NAGA: variants seen among roughly 807,000 people sequenced by gnomAD.
NAGA encodes the protein alpha-N-acetylgalactosaminidase, also known as Acetylgalactosaminidase, alpha-N- (alpha-galactosidase B).
In NAGA, 42 loss-of-function variants were observed where a neutral mutation model predicts 45.6. That is an observed-to-expected ratio of 0.92 (90% CI 0.72 to 1.19). The LOEUF (loss-of-function observed/expected upper bound fraction) is 1.19, where lower values mean the gene tolerates loss of function less well. Ranked by LOEUF, NAGA falls within the 50% of genes most tolerant of loss-of-function variation. The pLI is 0.00. For missense variants in NAGA, 493 were observed against 544.8 expected, an observed-to-expected ratio of 0.90 and a Z score of 0.95; for synonymous variants, 176 against 203.1, an observed-to-expected ratio of 0.87 and a Z score of 1.13.
rs199980021 is a variant in NAGA at position 42,060,940 on chromosome 22, C to T, written c.1085G>A (p.Gly362Glu). The change falls in exon 8 of 9, where the codon GGG becomes GAG. Residue 362 changes from glycine to glutamate, a missense_variant. Gly to Glu is a moderately conservative substitution (Grantham distance 98). Coordinates refer to ENST00000396398, the MANE Select transcript of NAGA (RefSeq NM_000262.3). ...GGTGCTCACCTCATATATCACAGAC[C>T]CGGTGAAGTTCAGCTGGCCAAGGGA... is the stretch of plus-strand genomic sequence containing the variant. ...HSSLGQLNFTGSVIYEAQDVY... is the reference protein window; with the variant it reads ...HSSLGQLNFTESVIYEAQDVY... 12 of 1,614,024 alleles carry T rather than the reference C, an allele frequency of 7.4e-6. No homozygotes were observed. In the Admixed American group the frequency reaches 1.0e-4, roughly 13 times the overall value.
At chr22:42,067,052 G>A (rs1366591751) in intron 4 of NAGA, 61 bp downstream of exon 4, 2 of 1,605,412 alleles carry the variant, frequency 1.2e-6, no homozygotes, top group Non-Finnish European at 1.7e-6. Flanking sequence ...TGGGCGCTGG[G>A]TGGGTCTCCA....
intron 8 of NAGA, among the ~76,000 whole-genome samples, 177 bp from the exon 9 acceptor site, chr22:42,060,590 G>T (rs1185569827): frequency 6.6e-6 from 1 of 152,196 alleles, no homozygotes; most frequent in Non-Finnish European, 1.5e-5. Context: ...AGCAAATCCA[G>T]CAGGTGCCCA....
At chr22:42,065,680 T>C in intron 6 of NAGA, 58 bp downstream of exon 6, 1 of 1,607,242 alleles carries the variant, frequency 6.2e-7, no homozygotes, top group African/African-American at 1.3e-5. Context: ...CACAGGGCAG[T>C]GGGGAGCAGG....
At chr22:42,070,129 G>A (rs1294757587) in intron 1 of NAGA, among the ~76,000 whole-genome samples, 153 bp downstream of exon 1, 1 of 152,236 alleles carries the variant, frequency 6.6e-6, no homozygotes, top group African/African-American at 2.4e-5. Flanking sequence ...AATGATTCCC[G>A]TATGGGGAAG....
intron 6 of NAGA, among the ~76,000 whole-genome samples, 165 bp downstream of exon 6, chr22:42,065,573 A>G (rs1939223216): frequency 6.6e-6 from 1 of 152,206 alleles, no homozygotes; most frequent in Admixed American, 6.5e-5. Flanking sequence ...GGCCCTGGAA[A>G]CCAGCTTCTA....
intron 2 of NAGA, 121 bp downstream of exon 2, chr22:42,068,317 CT>C: frequency 6.6e-7 from 1 of 1,504,216 alleles, no homozygotes; most frequent in Non-Finnish European, 9.2e-7. Flanking sequence ...TGACTTCTGG[CT>C]GCAGTCTCTG....
Position 42,065,821 on chromosome 22 carries a change from G to C in NAGA, c.676C>G (p.Leu226Val). The C allele has an allele frequency of 6.2e-7, 1 of 1,614,180 alleles. No homozygotes were observed. Among genetic ancestry groups the C allele is most frequent in the Non-Finnish European group, 8.5e-7 (1 of 1,180,034 alleles). The change falls in exon 6 of 9, where the codon CTC becomes GTC. Residue 226 changes from leucine to valine, a missense_variant. Physicochemically the swap from Leu to Val is conservative, Grantham distance 32. Coordinates refer to ENST00000396398, the MANE Select transcript of NAGA (RefSeq NM_000262.3). Reference protein sequence around the residue: ...DDIQDSWWSVLSILNWFVEHQ... With the variant: ...DDIQDSWWSVVSILNWFVEHQ... ...TCCACGAACCAATTCAGGATGGAGA[G>C]CACGCTCCACCAGGAGTCCTGGATG...
At chr22:42,068,343 G>A in intron 2 of NAGA, 96 bp downstream of exon 2, 1 of 1,589,616 alleles carries the variant, frequency 6.3e-7, no homozygotes. Context: ...GGAGAACTCT[G>A]ACCTTGCCCT....
At chr22:42,062,491 G>C in intron 7 of NAGA, among the ~76,000 whole-genome samples, 1 of 152,128 alleles carries the variant, frequency 6.6e-6, no homozygotes, top group South Asian at 2.1e-4. Flanking sequence ...AGCTCCTCCT[G>C]CTCTGGAGGG....
At chr22:42,063,182 C>G (rs1368940984) in intron 6 of NAGA, among the ~76,000 whole-genome samples, 158 bp from the exon 7 acceptor site, 1 of 152,212 alleles carries the variant, frequency 6.6e-6, no homozygotes, top group Non-Finnish European at 1.5e-5. Flanking sequence ...TTCCCTAGCC[C>G]TGTGGCCTTG....
In NAGA at chr22:42,060,157, G is replaced by A; in HGVS notation, c.*122C>T. 1.5e-6 allele frequency: 2 copies of A among 1,317,960 alleles called. No homozygotes were observed. The highest frequency in any genetic ancestry group is 2.2e-6 in the Non-Finnish European group (2 of 926,296). The allele number at this position is 1,317,960 out of a possible 1,614,324, so 81.6% of individuals were successfully genotyped here. A position where few individuals can be genotyped will look rare whatever the true frequency, so the allele number is the denominator to read the frequency against. On this transcript the variant is annotated 3_prime_UTR_variant, in exon 9 of 9. Transcript: ENST00000396398. ...GGCCGTGAGATTGCACTTTGGGTAT[G>A]ATGGGGTCAGTCACCGAGCAGGCCT...
intron 7 of NAGA, 151 bp downstream of exon 7, chr22:42,062,676 C>T (rs1926476163): frequency 5.9e-6 from 5 of 852,616 alleles, no homozygotes; most frequent in Non-Finnish European, 9.6e-6. Context: ...TCAGAGTCCT[C>T]AACCATAAGC....
rs775152449 is a variant in NAGA at position 42,067,834 on chromosome 22, G to A, written c.255C>T (p.Arg85=). Residue 85 remains arginine (R), a synonymous_variant, in exon 3 of 9, where the codon CGC becomes CGT. Coordinates refer to ENST00000396398, the MANE Select transcript of NAGA (RefSeq NM_000262.3). ...LNIDDCWIGG[R]DASGRLMPDP... is the part of the protein sequence containing the mutation. ...CCGGCATCAGGCGGCCACTGGCATC[G>A]CGACCACCGATCCAGCAGTCATCAA... The A allele has an allele frequency of 1.2e-5, 19 of 1,612,266 alleles. No individual in the cohort carries two copies. In the Admixed American group the frequency reaches 1.8e-4, roughly 16 times the overall value.
chr22:42,060,958 C>G lies in NAGA; in HGVS notation c.1067G>C (p.Gly356Ala). 1.9e-6 allele frequency: 3 copies of G among 1,614,178 alleles called. No homozygotes were observed. Among genetic ancestry groups the G allele is most frequent in the Non-Finnish European group, 2.5e-6 (3 of 1,180,028 alleles). ...DMPYRYHSSL[G>A]QLNFTGSVIY... is the part of the protein sequence containing the mutation. ...CACAGACCCGGTGAAGTTCAGCTGGCCAAGGGAGGAGTGGTAGCGATAAGG... is the reference window on the plus strand; with the variant it reads ...CACAGACCCGGTGAAGTTCAGCTGGGCAAGGGAGGAGTGGTAGCGATAAGG... Residue 356 changes from glycine (G) to alanine (A), a missense_variant, in exon 8 of 9, where the codon GGC (glycine) becomes GCC (alanine). Coordinates refer to ENST00000396398, the MANE Select transcript of NAGA (RefSeq NM_000262.3).
At chr22:42,062,095 T>C (rs1926438926) in intron 7 of NAGA, among the ~76,000 whole-genome samples, 2 of 152,200 alleles carry the variant, frequency 1.3e-5, no homozygotes, top group Admixed American at 6.5e-5. Context: ...ACTACCTTGC[T>C]GAGAAAAATT....
Position 42,063,026 on chromosome 22 carries a change from TG to T in NAGA, c.760-3del. ...GAGACCAAAGTTCCCAATGAGCAGC[TG>T]GGGGCAGAGAAGAGGAGTAGTCAGC... On this transcript the variant is annotated splice_polypyrimidine_tract_variant and splice_region_variant and intron_variant, in intron 6 of 8. Coordinates refer to ENST00000396398, the MANE Select transcript of NAGA (RefSeq NM_000262.3). 1 of 1,613,930 alleles carries T rather than the reference TG, an allele frequency of 6.2e-7. No individual in the cohort carries two copies.
chr22:42,069,753 G>A (rs773617087), intron 1 of NAGA, among the ~76,000 whole-genome samples: 24 of 152,166 alleles, frequency 1.6e-4, no homozygotes, highest in Non-Finnish European at 7.3e-5. Flanking sequence ...AACACAGGTT[G>A]TATACGTACT....
chr22:42,067,082 C>T (rs372009089), intron 4 of NAGA, 31 bp downstream of exon 4: 1 of 1,612,394 alleles, frequency 6.2e-7, no homozygotes, highest in Non-Finnish European at 8.5e-7. Context: ...TCCCCGTTTG[C>T]CTACGTGCCC....
chr22:42,060,941 C>A lies in NAGA; in HGVS notation c.1084G>T (p.Gly362Trp), dbSNP rs147253075. ...HSSLGQLNFT[G>W]SVIYEAQDVY... ...GTGCTCACCTCATATATCACAGACCCGGTGAAGTTCAGCTGGCCAAGGGAG... is the reference window on the plus strand; with the variant it reads ...GTGCTCACCTCATATATCACAGACCAGGTGAAGTTCAGCTGGCCAAGGGAG... Residue 362 changes from glycine to tryptophan, a missense_variant, in exon 8 of 9, where the codon GGG becomes TGG. By Grantham distance (184) the Gly-to-Trp change is radical. Coordinates refer to ENST00000396398, the MANE Select transcript of NAGA (RefSeq NM_000262.3). The A allele has an allele frequency of 1.7e-5, 27 of 1,614,062 alleles. No individual in the cohort carries two copies. Among genetic ancestry groups the A allele is most frequent in the Non-Finnish European group, 2.2e-5 (26 of 1,180,032 alleles).
Sources: gnomAD v4.1 joint callset for allele counts (sites outside exome capture counted in the v4.1 genomes callset) on GRCh38, gnomAD v4.1.1 for gene constraint, MANE v1.5 for transcripts, NCBI Gene and HGNC (gene_info 2026-07-23, HGNC 2026-07-21) for gene names.